The following ITCH variants were observed in gnomAD, a reference collection of about 807,000 sequenced individuals.
ITCH encodes E3 ubiquitin-protein ligase Itchy homolog.
A neutral mutation model predicts 126.8 loss-of-function variants in ITCH; 28 were observed. That is an observed-to-expected ratio of 0.22 (90% CI 0.16 to 0.30). ITCH has a LOEUF of 0.30. Ranked by LOEUF, ITCH falls within the 10% of genes least tolerant of loss-of-function variation. The probability of loss-of-function intolerance (pLI) is 1.00; values close to 1 mark genes in which losing one functional copy is unlikely to be tolerated. For synonymous variants in ITCH, 342 were observed against 340.0 expected (o/e 1.01, Z -0.06); for missense variants, 631 against 1,032.4 (o/e 0.61, Z 5.33).
intron 14 of ITCH, among the ~76,000 whole-genome samples, chr20:34,469,635 G>A (rs1374167795): frequency 6.6e-6 from 1 of 152,118 alleles, no homozygotes; most frequent in Non-Finnish European, 1.5e-5. Flanking sequence ...TTCACTTAGA[G>A]ACTTAAGTCA....
At chr20:34,462,825 C>T (rs1307877457) in intron 14 of ITCH, among the ~76,000 whole-genome samples, 5 of 152,128 alleles carry the variant, frequency 3.3e-5, no homozygotes, top group African/African-American at 7.2e-5. Context: ...TTTGACTAGT[C>T]GAAGTACCTC....
intron 16 of ITCH, among the ~76,000 whole-genome samples, chr20:34,474,157 T>G (rs1987904812): frequency 6.6e-6 from 1 of 152,240 alleles, no homozygotes. Context: ...AAATAAAAAT[T>G]GCATACTTTC....
chr20:34,478,654 T>C (rs576644894), intron 17 of ITCH, among the ~76,000 whole-genome samples: 79 of 152,326 alleles, frequency 5.2e-4, no homozygotes, highest in Non-Finnish European at 1.0e-3. Flanking sequence ...AGTAGAAATA[T>C]TGTTTATTAA....
chr20:34,429,821 G>C (rs1465461628), intron 7 of ITCH, among the ~76,000 whole-genome samples: 1 of 151,108 alleles, frequency 6.6e-6, no homozygotes, highest in Non-Finnish European at 1.5e-5. Flanking sequence ...ATTAAATAGT[G>C]TGTAAAGTAA....
rs6059811 is a variant in ITCH, at chr20:34,404,310, T to A, written c.71-4341T>A. Reference sequence around the variant, plus strand: ...TAATATTATGACTATAACACAAGGTTTTGTTCAATCTAGACTTTGAGATTT... The same window carrying A: ...TAATATTATGACTATAACACAAGGTATTGTTCAATCTAGACTTTGAGATTT... On this transcript the variant is annotated intron_variant, in intron 3 of 24. Transcript: ENST00000374864. Among the ~76,000 whole-genome samples, 689 of 152,230 alleles carry A rather than the reference T, an allele frequency of 4.5e-3. 15 individuals carry two copies. The highest frequency in any genetic ancestry group is 0.015 in the African/African-American group (629 of 41,552).
chr20:34,376,456 ATACAT>A (rs2037850026), intron 2 of ITCH, among the ~76,000 whole-genome samples: 1 of 104,090 alleles, frequency 9.6e-6, no homozygotes, highest in Non-Finnish European at 2.0e-5. Flanking sequence ...TCAAAAATAA[ATACAT>A]AAATAAATAA....
Position 34,413,743 on chromosome 20 carries a change from TGAA to T in ITCH, c.344_346del (p.Glu115del), listed in dbSNP as rs1568912876. The T allele has an allele frequency of 6.3e-7, 1 of 1,599,790 alleles. No homozygotes were observed. Among genetic ancestry groups the T allele is most frequent in the East Asian group, 2.2e-5 (1 of 44,640 alleles). On this transcript the variant is annotated inframe_deletion and splice_region_variant, in exon 6 of 25. Transcript: ENST00000374864. ...TTCTGTAACTTTATTTTCTTCCAGT[TGAA>T]GAAGTAGTTGTGACTTTGCAGCTTG...
At chr20:34,433,099 G>C (rs369010224) in intron 7 of ITCH, among the ~76,000 whole-genome samples, 31 of 152,290 alleles carry the variant, frequency 2.0e-4, no homozygotes, top group African/African-American at 6.7e-4. Flanking sequence ...AGACCAGCCT[G>C]GCCAACATGG....
chr20:34,399,773 A>T (rs1387643590), intron 3 of ITCH, among the ~76,000 whole-genome samples: 1 of 151,994 alleles, frequency 6.6e-6, no homozygotes, highest in Non-Finnish European at 1.5e-5. Context: ...CCTGGGAGAC[A>T]GAGGTTGCAG....
chr20:34,414,854 G>A (rs115498974), intron 6 of ITCH, among the ~76,000 whole-genome samples: 122 of 152,224 alleles, frequency 8.0e-4, no homozygotes, highest in African/African-American at 2.8e-3. Context: ...TTCTACTTCT[G>A]TAGGCTACAC....
At chr20:34,371,167 CAAAAAAAAAA>C (rs1213462396) in intron 2 of ITCH, among the ~76,000 whole-genome samples, 1 of 58,596 alleles carries the variant, frequency 1.7e-5, no homozygotes, top group African/African-American at 6.3e-5. Flanking sequence ...GACTCCGTCT[CAAAAAAAAAA>C]AAAAAAAAAC....
chr20:34,445,024 T>C (rs1327414036), intron 10 of ITCH, among the ~76,000 whole-genome samples: 1 of 152,208 alleles, frequency 6.6e-6, no homozygotes, highest in Non-Finnish European at 1.5e-5. Flanking sequence ...AAAACAACAT[T>C]GAAAAGAAAC....
chr20:34,417,584 CAG>C (rs1980093865), intron 6 of ITCH, among the ~76,000 whole-genome samples: 1 of 150,180 alleles, frequency 6.7e-6, no homozygotes, highest in African/African-American at 2.5e-5. Context: ...ATTTTTAGTA[CAG>C]ATGGGGTTTT....
At chr20:34,370,437 G>A (rs539114803) in intron 2 of ITCH, among the ~76,000 whole-genome samples, 1 of 152,194 alleles carries the variant, frequency 6.6e-6, no homozygotes, top group African/African-American at 2.4e-5. Context: ...GCCAAGGTGG[G>A]CGGATCACTT....
At chr20:34,440,081 T>C in intron 8 of ITCH, 74 bp from the exon 9 acceptor site, 1 of 1,070,902 alleles carries the variant, frequency 9.3e-7, no homozygotes, top group Non-Finnish European at 1.4e-6. Flanking sequence ...CCTTTTATTT[T>C]TTACAGTTAA....
chr20:34,504,665 A>G (rs1418712771), intron 24 of ITCH, among the ~76,000 whole-genome samples: 3 of 152,192 alleles, frequency 2.0e-5, no homozygotes, highest in Non-Finnish European at 4.4e-5. Flanking sequence ...GCAGCAAAAG[A>G]AAGTTAGGAG....
chr20:34,443,254 G>C (rs1336615477), intron 10 of ITCH, among the ~76,000 whole-genome samples: 1 of 151,922 alleles, frequency 6.6e-6, no homozygotes, highest in Non-Finnish European at 1.5e-5. Flanking sequence ...GCTCGCGCCT[G>C]TAATCCCAGC....
intron 20 of ITCH, 38 bp downstream of exon 20, chr20:34,481,244 A>G (rs750490341): frequency 1.8e-5 from 28 of 1,597,656 alleles, no homozygotes; most frequent in Non-Finnish European, 2.3e-5. Context: ...TTTTTGTTTG[A>G]CTACAGCACA....
intron 14 of ITCH, among the ~76,000 whole-genome samples, chr20:34,462,736 C>G (rs1169165097): frequency 1.8e-4 from 28 of 152,174 alleles, no homozygotes; most frequent in Admixed American, 1.8e-3. Flanking sequence ...TTTCATCATT[C>G]CACACTGAAA....
Sources: gnomAD v4.1 joint callset for allele counts (sites outside exome capture counted in the v4.1 genomes callset) on GRCh38, gnomAD v4.1.1 for gene constraint, MANE v1.5 for transcripts, NCBI Gene and HGNC (gene_info 2026-07-23, HGNC 2026-07-21) for gene names.